Variants in SLC25A48 observed in about 807,000 individuals in gnomAD.
SLC25A48 encodes the protein CTC-321K16.1.
A neutral mutation model predicts 32.2 loss-of-function variants in SLC25A48; 29 were observed. The ratio of observed to expected loss-of-function variants is 0.90; its 90% confidence interval spans 0.67 to 1.23. SLC25A48 has a LOEUF of 1.23. Among genes scored for constraint, SLC25A48 ranks in the 50% most tolerant of loss-of-function variants. The probability of loss-of-function intolerance (pLI) is 0.00; values close to 1 mark genes in which losing one functional copy is unlikely to be tolerated. For synonymous variants in SLC25A48, 164 were observed against 172.3 expected (o/e 0.95, Z 0.38); for missense variants, 399 against 422.7 (o/e 0.94, Z 0.49).
chr5:135,727,005 T>C (rs1031181733), intron 3 of SLC25A48, among the ~76,000 whole-genome samples: 1 of 152,168 alleles, frequency 6.6e-6, no homozygotes, highest in African/African-American at 2.4e-5. Flanking sequence ...CTGACAGGTG[T>C]GTAGTGATAT....
intron 3 of SLC25A48, among the ~76,000 whole-genome samples, chr5:135,694,321 G>C (rs1373447897): frequency 6.6e-6 from 1 of 152,206 alleles, no homozygotes; most frequent in Non-Finnish European, 1.5e-5. Flanking sequence ...AGGCTCTGTG[G>C]AGGGAGGGCT....
chr5:135,852,592 C>A lies in SLC25A48; in HGVS notation c.192C>A (p.Phe64Leu). 2 of 1,601,510 alleles carry A rather than the reference C, an allele frequency of 1.2e-6. No homozygotes were observed. The highest frequency in any genetic ancestry group is 1.7e-6 in the Non-Finnish European group (2 of 1,169,358). ...SMFGFFKGMSFPLASIAVYNS... is the reference protein window; with the variant it reads ...SMFGFFKGMSLPLASIAVYNS... ...TCGGCTTCTTCAAGGGCATGTCCTTCCCCCTCGCCAGCATTGCCGTCTACA... is the reference window on the plus strand; with the variant it reads ...TCGGCTTCTTCAAGGGCATGTCCTTACCCCTCGCCAGCATTGCCGTCTACA... The change falls in exon 4 of 8, where the codon TTC (phenylalanine) becomes TTA (leucine). Residue 64 changes from phenylalanine to leucine, a missense_variant. Phe to Leu is a conservative substitution (Grantham distance 22, BLOSUM62 0). Transcript: ENST00000681962.
chr5:135,791,934 C>T (rs548612255), intron 3 of SLC25A48, among the ~76,000 whole-genome samples: 1 of 151,662 alleles, frequency 6.6e-6, no homozygotes, highest in South Asian at 2.1e-4. Flanking sequence ...GAAGATATTA[C>T]CGCAAACATC....
intron 1 of SLC25A48, among the ~76,000 whole-genome samples, chr5:135,587,444 A>G (rs1041674148): frequency 6.6e-6 from 1 of 152,120 alleles, no homozygotes; most frequent in Non-Finnish European, 1.5e-5. Flanking sequence ...GTCAAGAGGG[A>G]GTGTTTGTGA....
chr5:135,681,187 C>CTGG (rs1483964296), intron 3 of SLC25A48, among the ~76,000 whole-genome samples: 2 of 152,172 alleles, frequency 1.3e-5, no homozygotes, highest in Non-Finnish European at 2.9e-5. Context: ...GTTGGTCAGG[C>CTGG]TGGTCTCAAA....
chr5:135,787,682 T>C (rs1756883891), intron 3 of SLC25A48, among the ~76,000 whole-genome samples: 2 of 151,950 alleles, frequency 1.3e-5, no homozygotes, highest in African/African-American at 4.8e-5. Flanking sequence ...ACTCCTAATG[T>C]CACTGGGGGT....
At chr5:135,680,080 G>A (rs10077295) in intron 3 of SLC25A48, among the ~76,000 whole-genome samples, 76,096 of 151,942 alleles carry the variant, frequency 0.5, 20,535 homozygotes, top group South Asian at 0.61. Flanking sequence ...AGGCTGCCTC[G>A]CTTACCTTTC....
intron 4 of SLC25A48, among the ~76,000 whole-genome samples, chr5:135,820,902 C>T (rs999821667): frequency 2.0e-5 from 3 of 152,180 alleles, no homozygotes; most frequent in African/African-American, 7.2e-5. Context: ...GTAGCCATGC[C>T]TGAGCCTGGA....
intron 3 of SLC25A48, among the ~76,000 whole-genome samples, chr5:135,642,174 G>A (rs889670543): frequency 7.1e-4 from 108 of 152,340 alleles, no homozygotes; most frequent in African/African-American, 2.5e-3. Flanking sequence ...ATCTACTGAT[G>A]GTGGCTGTCA....
chr5:135,824,465 T>C (rs1757975753), intron 4 of SLC25A48: 1 of 152,316 alleles, frequency 6.6e-6, no homozygotes, highest in Admixed American at 6.5e-5. Flanking sequence ...TAGAGGAGGA[T>C]GACCCAGGAC....
intron 3 of SLC25A48, among the ~76,000 whole-genome samples, chr5:135,773,044 G>A (rs75875287): frequency 0.012 from 1,753 of 146,086 alleles, 26 homozygotes; most frequent in Middle Eastern, 0.033. Flanking sequence ...TACACTTCCC[G>A]GTAATATTGT....
intron 3 of SLC25A48, among the ~76,000 whole-genome samples, chr5:135,676,101 T>C (rs867894532): frequency 6.6e-6 from 1 of 151,956 alleles, no homozygotes; most frequent in African/African-American, 2.4e-5. Flanking sequence ...AGTTTTTTGG[T>C]GGACTCTTTA....
intron 3 of SLC25A48, among the ~76,000 whole-genome samples, chr5:135,747,746 G>C (rs1209836835): frequency 6.6e-6 from 1 of 152,176 alleles, no homozygotes; most frequent in African/African-American, 2.4e-5. Flanking sequence ...TTGCCTGTCA[G>C]TACTACTAAT....
chr5:135,859,086 A>G (rs1253767229), intron 4 of SLC25A48, among the ~76,000 whole-genome samples: 1 of 152,142 alleles, frequency 6.6e-6, no homozygotes, highest in Non-Finnish European at 1.5e-5. Flanking sequence ...AGAGATAGAA[A>G]ACTCAGAGAC....
intron 3 of SLC25A48, among the ~76,000 whole-genome samples, chr5:135,671,053 TG>T (rs1007069222): frequency 5.3e-5 from 8 of 152,268 alleles, no homozygotes; most frequent in African/African-American, 1.9e-4. Flanking sequence ...ACGAATGGCT[TG>T]GGGGTCAGTG....
chr5:135,673,580 A>G (rs1753703061), intron 3 of SLC25A48, among the ~76,000 whole-genome samples: 1 of 152,074 alleles, frequency 6.6e-6, no homozygotes, highest in Non-Finnish European at 1.5e-5. Context: ...TCTTCCTATT[A>G]CTGAGTTGTA....
chr5:135,867,432 G>A (rs1761290790), intron 4 of SLC25A48, among the ~76,000 whole-genome samples: 1 of 152,086 alleles, frequency 6.6e-6, no homozygotes, highest in East Asian at 1.9e-4. Flanking sequence ...ACTAAAATTG[G>A]TCCCATGGTA....
At chr5:135,583,171 AGTGTGTGTGCGT>A (rs1272439206) in intron 1 of SLC25A48, among the ~76,000 whole-genome samples, 2 of 150,466 alleles carry the variant, frequency 1.3e-5, no homozygotes, top group Non-Finnish European at 3.0e-5. Flanking sequence ...CATGTGAGAA[AGTGTGTGTGCGT>A]GTGTGTGTGT....
intron 3 of SLC25A48, among the ~76,000 whole-genome samples, chr5:135,766,314 C>T (rs181925511): frequency 6.7e-5 from 10 of 148,962 alleles, no homozygotes; most frequent in East Asian, 2.0e-4. Flanking sequence ...CTTCATATTG[C>T]GGTGGTGTAC....
Sources: gnomAD v4.1 joint callset for allele counts (sites outside exome capture counted in the v4.1 genomes callset) on GRCh38, gnomAD v4.1.1 for gene constraint, MANE v1.5 for transcripts, NCBI Gene and HGNC (gene_info 2026-07-23, HGNC 2026-07-21) for gene names.